NBR1: variants seen among roughly 807,000 people sequenced by gnomAD.
NBR1 encodes NBR1 autophagy cargo receptor, also known as next to BRCA1 gene 1 protein.
Under a neutral mutation model 115.5 loss-of-function variants are expected in NBR1, and 59 were observed. The observed-to-expected ratio is 0.51, with a 90% CI of 0.41 to 0.63. The LOEUF is 0.63. Among genes scored for constraint, NBR1 ranks in the 30% least tolerant of loss-of-function variants. NBR1 has a pLI of 0.00. For missense variants in NBR1, 1,043 were observed against 1,150.5 expected, an observed-to-expected ratio of 0.91 and a Z score of 1.35; for synonymous variants, 373 against 414.7, an observed-to-expected ratio of 0.90 and a Z score of 1.22.
At chr17:43,176,068 A>T (rs1360268437) in intron 2 of NBR1, 167 bp downstream of exon 2, 3 of 505,754 alleles carry the variant, frequency 5.9e-6, no homozygotes, top group Non-Finnish European at 1.1e-5. Flanking sequence ...CATATATGAG[A>T]TGTGCCCCAA....
Position 43,210,418 on chromosome 17 carries a change from A to AT in NBR1, c.*350dup. On this transcript the variant is annotated 3_prime_UTR_variant, in exon 21 of 21. Transcript: ENST00000590996. ...GAGTATTTTTCTTTGGCTAATGTGG[A>AT]TTTTTTATGGGGATATCTGTTAATT... 2 of 396,286 alleles carry AT rather than the reference A, an allele frequency of 5.0e-6. No homozygotes were observed. Among genetic ancestry groups the AT allele is most frequent in the Middle Eastern group, 1.3e-3 (2 of 1,576 alleles). The allele number at this position is 396,286 out of a possible 1,614,324, so 24.5% of individuals were successfully genotyped here. A position where few individuals can be genotyped will look rare whatever the true frequency, so the allele number is the denominator to read the frequency against.
At chr17:43,173,423 G>T (rs1474989660) in intron 1 of NBR1, among the ~76,000 whole-genome samples, 1 of 152,116 alleles carries the variant, frequency 6.6e-6, no homozygotes, top group Non-Finnish European at 1.5e-5. Flanking sequence ...GAGTAGCTGG[G>T]ATTAAAGGCC....
At chr17:43,180,377 G>A (rs2056632400) in intron 4 of NBR1, among the ~76,000 whole-genome samples, 2 of 152,122 alleles carry the variant, frequency 1.3e-5, no homozygotes. Flanking sequence ...AAACACAATG[G>A]TATTTGCATA....
intron 6 of NBR1, among the ~76,000 whole-genome samples, chr17:43,187,020 T>C (rs946618612): frequency 6.6e-6 from 1 of 152,176 alleles, no homozygotes; most frequent in Non-Finnish European, 1.5e-5. Flanking sequence ...TTTATAACCC[T>C]TTGGGTATAT....
At chr17:43,208,623 C>CT (rs2057359981) in intron 20 of NBR1, among the ~76,000 whole-genome samples, 1 of 152,152 alleles carries the variant, frequency 6.6e-6, no homozygotes, top group Admixed American at 6.5e-5. Flanking sequence ...AGTTAATAAT[C>CT]TTTCTGCTGC....
chr17:43,176,876 T>C (rs983492458), intron 2 of NBR1, among the ~76,000 whole-genome samples: 5 of 151,908 alleles, frequency 3.3e-5, no homozygotes, highest in African/African-American at 7.3e-5. Flanking sequence ...CTCCCCCCCC[T>C]CATCTGTTAC....
In NBR1 at chr17:43,200,527, G is replaced by A. The variant is rs1192814998; in HGVS notation, c.2387G>A (p.Ser796Asn). 6.2e-7 allele frequency: 1 copy of A among 1,613,900 alleles called. No individual in the cohort carries two copies. Among genetic ancestry groups the A allele is most frequent in the African/African-American group, 1.3e-5 (1 of 74,920 alleles). Residue 796 changes from serine (S) to asparagine (N), a missense_variant, in exon 17 of 21, where the codon AGT becomes AAT. Transcript: ENST00000590996. ...GENQPQEHSI[S>N]DILTTSQTLE... ...AACCAGCCACAGGAGCACAGCATAA[G>A]TGACATCCTCACGACCTCACAGACT... is the stretch of plus-strand genomic sequence containing the variant.
At chr17:43,205,192 A>G (rs1269655643) in intron 20 of NBR1, among the ~76,000 whole-genome samples, 1 of 152,038 alleles carries the variant, frequency 6.6e-6, no homozygotes, top group Admixed American at 6.5e-5. Flanking sequence ...CGTCTCTACT[A>G]AAAATACAAA....
chr17:43,182,354 A>G (rs1420393536), intron 5 of NBR1, among the ~76,000 whole-genome samples: 1 of 149,942 alleles, frequency 6.7e-6, no homozygotes, highest in Non-Finnish European at 1.5e-5. Flanking sequence ...AGTAGCTGGG[A>G]TTACAGGTGT....
At chr17:43,188,986 A>G (rs1193860529) in intron 6 of NBR1, 56 bp from the exon 7 acceptor site, 3 of 1,187,298 alleles carry the variant, frequency 2.5e-6, no homozygotes, top group East Asian at 2.3e-5. Context: ...ACTCCAGGAA[A>G]AGTATTTTAA....
At chr17:43,202,523 T>TA (rs11409840) in intron 18 of NBR1, 132 bp from the exon 19 acceptor site, 7,015 of 486,224 alleles carry the variant, frequency 0.014, 4 homozygotes, top group African/African-American at 0.017. Context: ...CCAAATACTT[T>TA]AAAAAAAAAA....
chr17:43,190,246 A>AT, intron 8 of NBR1: 2 of 317,878 alleles, frequency 6.3e-6, no homozygotes, highest in South Asian at 5.8e-5. Context: ...CCTTTTAATT[A>AT]TTTTTTTGGA....
chr17:43,175,369 G>A (rs993640546), intron 1 of NBR1, among the ~76,000 whole-genome samples: 1 of 152,168 alleles, frequency 6.6e-6, no homozygotes, highest in Non-Finnish European at 1.5e-5. Context: ...ATGTTGGTAT[G>A]TCCTGCTACT....
upstream of NBR1, chr17:43,170,904 C>G (rs2056337616): frequency 6.6e-6 from 1 of 152,206 alleles, no homozygotes; most frequent in Non-Finnish European, 1.5e-5. Flanking sequence ...ACTACGATTC[C>G]CATCCAGCCC....
At chr17:43,174,980 C>A (rs1043285366) in intron 1 of NBR1, among the ~76,000 whole-genome samples, 1 of 151,240 alleles carries the variant, frequency 6.6e-6, no homozygotes, top group African/African-American at 2.4e-5. Context: ...GTGGCGGGCA[C>A]CCCAGCTACT....
Position 43,193,624 on chromosome 17 carries a change from A to G in NBR1, c.1510A>G (p.Thr504Ala). 6.2e-7 allele frequency: 1 copy of G among 1,607,766 alleles called. No individual in the cohort carries two copies. Among genetic ancestry groups the G allele is most frequent in the Admixed American group, 1.7e-5 (1 of 59,048 alleles). The change falls in exon 12 of 21, where the codon ACC (threonine) becomes GCC (alanine). Residue 504 changes from threonine (T) to alanine (A), a missense_variant. Physicochemically the swap from Thr to Ala is moderately conservative, Grantham distance 58. Transcript: ENST00000590996. ...MISSSKTDDL[T>A]CQQEETFLLA... Reference sequence around the variant, plus strand: ...CAGCTCAAGCAAAACTGATGATCTCACCTGCCAGCAAGAGGTGAGCATTGA... The same window carrying G: ...CAGCTCAAGCAAAACTGATGATCTCGCCTGCCAGCAAGAGGTGAGCATTGA...
chr17:43,197,635 T>G (rs1299117779), intron 16 of NBR1, among the ~76,000 whole-genome samples: 1 of 152,148 alleles, frequency 6.6e-6, no homozygotes, highest in African/African-American at 2.4e-5. Flanking sequence ...TTCTCCATCT[T>G]CTCAGGGGCA....
At chr17:43,174,231 A>C (rs2056449354) in intron 1 of NBR1, among the ~76,000 whole-genome samples, 2 of 152,176 alleles carry the variant, frequency 1.3e-5, no homozygotes. Flanking sequence ...GAAAGAAGCT[A>C]GCTTATGGGT....
At chr17:43,201,932 C>A (rs1230516144) in intron 18 of NBR1, among the ~76,000 whole-genome samples, 152 bp downstream of exon 18, 1 of 151,936 alleles carries the variant, frequency 6.6e-6, no homozygotes, top group Non-Finnish European at 1.5e-5. Flanking sequence ...GTAATCCCAA[C>A]ACTTTGGGAG....
Sources: allele counts gnomAD v4.1 joint callset (sites outside exome capture counted in the v4.1 genomes callset), GRCh38; gene constraint gnomAD v4.1.1; transcripts MANE v1.5; gene names NCBI Gene and HGNC (gene_info 2026-07-23, HGNC 2026-07-21).